The following TENM2 variants were observed in gnomAD, a reference collection of about 807,000 sequenced individuals.
TENM2 encodes teneurin transmembrane protein 2.
Under a neutral mutation model 245.2 loss-of-function variants are expected in TENM2, and 52 were observed. The ratio of observed to expected loss-of-function variants is 0.21; its 90% CI spans 0.17 to 0.27. The LOEUF is 0.27. TENM2 is among the 10% of genes least tolerant of loss of function. TENM2 has a pLI of 1.00. For missense variants in TENM2, 3,046 were observed against 3,666.8 expected, an observed-to-expected ratio of 0.83 and a Z score of 4.37; for synonymous variants, 1,363 against 1,438.9, an observed-to-expected ratio of 0.95 and a Z score of 1.19.
At chr5:167,170,348 C>T in the TENM2 span, among the ~76,000 whole-genome samples, 1 of 152,164 alleles carries the variant, frequency 6.6e-6, no homozygotes, top group Non-Finnish European at 1.5e-5. Flanking sequence ...AAGCAAACTT[C>T]TGCATAAATA....
In TENM2 at chr5:168,068,657, G is replaced by C. The variant is rs754940229; in HGVS notation, c.1515+6392G>C. ...CAAGAAGAATAGGACTGGGAATTAG[G>C]TTTTAGGAGTACTTACTTTTATCGA... On this transcript the variant is annotated intron_variant, in intron 7 of 28. Transcript: ENST00000518659. Among the ~76,000 whole-genome samples, 15 of 152,012 alleles carry C rather than the reference G, an allele frequency of 9.9e-5. 1 individual carries two copies. Among genetic ancestry groups the C allele is most frequent in the African/African-American group, 1.7e-4 (7 of 41,400 alleles).
chr5:167,242,046 G>GTTTTTTTTTTTTTTTTTTTT, the TENM2 span, among the ~76,000 whole-genome samples: 2 of 131,496 alleles, frequency 1.5e-5, no homozygotes, highest in Non-Finnish European at 1.6e-5. Flanking sequence ...TTTGTTTTTT[G>GTTTTTTTTTTTTTTTTTTTT]TTTTTTTTTT....
intron 5 of TENM2, among the ~76,000 whole-genome samples, chr5:168,028,789 T>C (rs1222463401): frequency 8.5e-6 from 1 of 118,064 alleles, no homozygotes; most frequent in Non-Finnish European, 1.6e-5. Context: ...TTCCTCACCA[T>C]AGCAACTGTC....
intron 9 of TENM2, among the ~76,000 whole-genome samples, chr5:168,111,305 G>A (rs1164230270): frequency 1.3e-5 from 2 of 152,148 alleles, no homozygotes; most frequent in East Asian, 3.9e-4. Context: ...TTGGCCCTCT[G>A]AGCCGGGGAC....
At chr5:167,905,362 G>T (rs969063765) in intron 3 of TENM2, among the ~76,000 whole-genome samples, 19 of 152,198 alleles carry the variant, frequency 1.2e-4, no homozygotes, top group African/African-American at 4.6e-4. Flanking sequence ...TGGGATGGGA[G>T]TTTAGACCTG....
intron 2 of TENM2, among the ~76,000 whole-genome samples, chr5:167,403,487 C>T (rs1190486280): frequency 6.6e-6 from 1 of 152,020 alleles, no homozygotes; most frequent in Admixed American, 6.6e-5. Flanking sequence ...AATGATTTCC[C>T]CAGCTTAGTT....
intron 2 of TENM2, among the ~76,000 whole-genome samples, chr5:167,588,697 G>T (rs1775672714): frequency 6.6e-6 from 1 of 152,118 alleles, no homozygotes; most frequent in Admixed American, 6.5e-5. Context: ...ATATACAAAA[G>T]ACCATTAGCA....
At chr5:167,099,670 GGGCAACAAGA>G in the TENM2 span, among the ~76,000 whole-genome samples, 1 of 152,070 alleles carries the variant, frequency 6.6e-6, no homozygotes, top group South Asian at 2.1e-4. Flanking sequence ...ACTCTAGCCT[GGGCAACAAGA>G]GCGAAACACC....
chr5:168,120,697 G>A (rs774304822), intron 10 of TENM2, among the ~76,000 whole-genome samples: 5 of 152,338 alleles, frequency 3.3e-5, no homozygotes, highest in South Asian at 2.1e-4. Context: ...AGAATGAACC[G>A]AGGTGATTCA....
chr5:167,583,503 C>CACACACACAA (rs1402820881), intron 2 of TENM2, among the ~76,000 whole-genome samples: 40 of 151,718 alleles, frequency 2.6e-4, no homozygotes, highest in Middle Eastern at 6.8e-3. Context: ...CACACACACA[C>CACACACACAA]ACACACACCC....
intron 2 of TENM2, among the ~76,000 whole-genome samples, chr5:167,378,012 A>G (rs1475997471): frequency 1.3e-5 from 2 of 152,092 alleles, no homozygotes; most frequent in Non-Finnish European, 2.9e-5. Context: ...TTAAAGATAC[A>G]TGGTCAGAAA....
chr5:167,393,253 A>G (rs1443252109), intron 2 of TENM2, among the ~76,000 whole-genome samples: 1 of 152,134 alleles, frequency 6.6e-6, no homozygotes, highest in Non-Finnish European at 1.5e-5. Flanking sequence ...AAATAAAGAA[A>G]AAACTATGCT....
chr5:167,546,587 C>T (rs890233381), intron 2 of TENM2, among the ~76,000 whole-genome samples: 5 of 152,040 alleles, frequency 3.3e-5, no homozygotes, highest in African/African-American at 9.7e-5. Flanking sequence ...ATATTCTTTG[C>T]GATGTAAACC....
intron 6 of TENM2, among the ~76,000 whole-genome samples, chr5:168,056,213 C>A (rs905657387): frequency 3.3e-5 from 5 of 152,178 alleles, no homozygotes; most frequent in African/African-American, 1.2e-4. Flanking sequence ...AGAAATTTGA[C>A]CTCCAGGAAT....
chr5:168,142,453 T>A (rs1755640392), intron 12 of TENM2, among the ~76,000 whole-genome samples: 3 of 152,206 alleles, frequency 2.0e-5, no homozygotes, highest in Admixed American at 2.0e-4. Flanking sequence ...AGGCAACCAT[T>A]AAAACAAACA....
At chr5:167,223,871 A>G in the TENM2 span, among the ~76,000 whole-genome samples, 2 of 152,070 alleles carry the variant, frequency 1.3e-5, no homozygotes, top group South Asian at 4.1e-4. Context: ...TCATTTTTTA[A>G]TAGTAGCTAT....
chr5:168,039,918 G>C (rs1164750203), intron 5 of TENM2, among the ~76,000 whole-genome samples: 1 of 151,920 alleles, frequency 6.6e-6, no homozygotes, highest in African/African-American at 2.4e-5. Flanking sequence ...GCTGCCAGTC[G>C]GGGAGCCCCA....
At chr5:167,738,036 A>G (rs1178742231) in intron 2 of TENM2, among the ~76,000 whole-genome samples, 1 of 152,192 alleles carries the variant, frequency 6.6e-6, no homozygotes, top group Non-Finnish European at 1.5e-5. Flanking sequence ...TCCCAGCTCC[A>G]ATTTGCCTCC....
chr5:168,171,798 T>C (rs1240075453), intron 13 of TENM2, among the ~76,000 whole-genome samples: 1 of 152,204 alleles, frequency 6.6e-6, no homozygotes, highest in Admixed American at 6.5e-5. Context: ...CACTATGGAC[T>C]TATTTTAGGG....
Sources: gnomAD v4.1 joint callset for allele counts (sites outside exome capture counted in the v4.1 genomes callset) on GRCh38, gnomAD v4.1.1 for gene constraint, MANE v1.5 for transcripts, NCBI Gene and HGNC (gene_info 2026-07-23, HGNC 2026-07-21) for gene names.